The following CHML variants were observed in gnomAD, a reference collection of about 807,000 sequenced individuals.
The protein encoded by CHML is CHM like Rab escort protein, also known as rab proteins geranylgeranyltransferase component A 2.
CHML carries 20 observed loss-of-function variants against 30.4 expected under a neutral mutation model. That is an observed-to-expected ratio of 0.66 (90% CI 0.46 to 0.95). The LOEUF (loss-of-function observed/expected upper bound fraction) is 0.95. CHML is among the 40% of genes least tolerant of loss of function. CHML has a pLI of 0.00. For missense variants in CHML, 795 were observed against 768.5 expected, an observed-to-expected ratio of 1.03 and a Z score of -0.41; for synonymous variants, 281 against 275.0, an observed-to-expected ratio of 1.02 and a Z score of -0.22.
Position 241,634,680 on chromosome 1 carries a change from A to C in CHML, c.1087T>G (p.Phe363Val), listed in dbSNP as rs763830046. ...TIDGLNATKN[F>V]LQCLGRFGNT... Reference sequence around the variant, plus strand: ...CCAAACCGTCCGAGACACTGAAGGAAGTTTTTAGTTGCGTTAAGACCATCT... The same window carrying C: ...CCAAACCGTCCGAGACACTGAAGGACGTTTTTAGTTGCGTTAAGACCATCT... The change falls in exon 2 of 2, where the codon TTC becomes GTC. Residue 363 changes from phenylalanine to valine, a missense_variant. Physicochemically the swap from Phe to Val is conservative, Grantham distance 50. Coordinates refer to ENST00000366553, the MANE Select transcript of CHML (RefSeq NM_001381853.1). 2.8e-5 allele frequency: 45 copies of C among 1,613,912 alleles called. No individual in the cohort carries two copies. The highest frequency in any genetic ancestry group is 3.8e-5 in the Non-Finnish European group (45 of 1,179,910).
At chr1:241,639,272 G>T (rs561386972) in intron 1 of CHML, 1 of 152,342 alleles carries the variant, frequency 6.6e-6, no homozygotes, top group South Asian at 2.1e-4. Flanking sequence ...AGTAAAAACA[G>T]CTTACAGGGC....
chr1:241,636,179 T>C (rs144468398), intron 1 of CHML, 106 bp from the exon 2 acceptor site: 117 of 403,958 alleles, frequency 2.9e-4, no homozygotes, highest in African/African-American at 2.2e-3. Flanking sequence ...TATTTGGACA[T>C]AAACCTCTAC....
chr1:241,630,808 T>C lies in CHML; in HGVS notation c.*2988A>G, dbSNP rs1664602878. ...TGAATGATGAATTTTTGAAAAGTTA[T>C]CTGTAATTAATACTTTGGATTTTAC... On this transcript the variant is annotated 3_prime_UTR_variant, in exon 2 of 2. Transcript: ENST00000366553. 6.6e-6 allele frequency: 1 copy of C among 152,226 alleles called. No individual in the cohort carries two copies. Among genetic ancestry groups the C allele is most frequent in the South Asian group, 2.1e-4 (1 of 4,826 alleles). The allele number at this position is 152,226 out of a possible 1,614,324, so 9.4% of individuals were successfully genotyped here. A position where few individuals can be genotyped will look rare whatever the true frequency, so the allele number is the denominator to read the frequency against.
rs1275192571 is a variant in CHML, at chr1:241,640,336, G to A, written c.-762C>T. The A allele has an allele frequency of 1.9e-6, 2 of 1,069,460 alleles. No individual in the cohort carries two copies. The highest frequency in any genetic ancestry group is 2.3e-6 in the Non-Finnish European group (2 of 887,288). 66.2% of individuals were successfully genotyped at this position (1,069,460 alleles called of 1,614,324 possible). On this transcript the variant is annotated 5_prime_UTR_variant, in exon 1 of 2. Transcript: ENST00000366553. ...GGCGCGCTCCGCACTGGGTGGGGTT[G>A]GGGCTCCGCCGCCTGCTCTAGCCAT...
At position 241,629,632 on chromosome 1, in the gene CHML, T is replaced by TCTAC. The variant is rs1284731004; in HGVS notation, c.*4160_*4163dup. 1.3e-5 allele frequency: 2 copies of TCTAC among 152,128 alleles called. No homozygotes were observed. The highest frequency in any genetic ancestry group is 2.9e-5 in the Non-Finnish European group (2 of 67,946). 9.4% of individuals were successfully genotyped at this position (152,128 alleles called of 1,614,324 possible). ...ATTTAAAACTTTTTCTCTTAGTTGATCTACCTTGCCAATTGCCATGAAGTT... is the reference window on the plus strand; with the variant it reads ...ATTTAAAACTTTTTCTCTTAGTTGATCTACCTACCTTGCCAATTGCCATGAAGTT... On this transcript the variant is annotated 3_prime_UTR_variant, in exon 2 of 2. Coordinates refer to ENST00000366553, the MANE Select transcript of CHML (RefSeq NM_001381853.1).
chr1:241,633,344 CA>C lies in CHML; in HGVS notation c.*451del, dbSNP rs1265591048. On this transcript the variant is annotated 3_prime_UTR_variant, in exon 2 of 2. Transcript: ENST00000366553. ...ATTTATATTATATGCAAAAGATCCA[CA>C]TAATTTACCATTTGTGTATGTTTCA... 1 of 163,706 alleles carries C rather than the reference CA, an allele frequency of 6.1e-6. No homozygotes were observed. Among genetic ancestry groups the C allele is most frequent in the African/African-American group, 2.4e-5 (1 of 41,482 alleles). The allele number at this position is 163,706 out of a possible 1,614,324, so 10.1% of individuals were successfully genotyped here.
In CHML at chr1:241,631,576, C is replaced by G. The variant is rs1664635078; in HGVS notation, c.*2220G>C. 1 of 152,068 alleles carries G rather than the reference C, an allele frequency of 6.6e-6. No individual in the cohort carries two copies. The highest frequency in any genetic ancestry group is 2.1e-4 in the South Asian group (1 of 4,826). 9.4% of individuals were successfully genotyped at this position (152,068 alleles called of 1,614,324 possible). A position where few individuals can be genotyped will look rare whatever the true frequency, so the allele number is the denominator to read the frequency against. On this transcript the variant is annotated 3_prime_UTR_variant, in exon 2 of 2. Transcript: ENST00000366553. ...TAAGTTGTCAATTACTTAAATCTGT[C>G]TAGTCTCATTTTCCTCACATATAGA...
rs145882594 is a variant in CHML at position 241,640,082 on chromosome 1, T to C, written c.-508A>G. 11 of 1,610,308 alleles carry C rather than the reference T, an allele frequency of 6.8e-6. No homozygotes were observed. Among genetic ancestry groups the C allele is most frequent in the Admixed American group, 6.7e-5 (4 of 59,576 alleles). ...GTAGAGGACGAGCACCAGCAGGTTG[T>C]TGCCGACGCCCAGCAGCCCAATGGA... On this transcript the variant is annotated 5_prime_UTR_variant, in exon 1 of 2. Coordinates refer to ENST00000366553, the MANE Select transcript of CHML (RefSeq NM_001381853.1).
In CHML at chr1:241,636,955, TA is replaced by T. The variant is rs11457259; in HGVS notation, c.-307-883del. On this transcript the variant is annotated intron_variant, in intron 1 of 1. Transcript: ENST00000366553. ...TGTTCTTATTTTTGAAGGGGAAGTT[TA>T]AAAAAAAAAAAATAATAAGGTTCTC... 2.7e-3 allele frequency among the ~76,000 whole-genome samples: 396 copies of T among 147,980 alleles called. 4 individuals carry two copies. Among genetic ancestry groups the T allele is most frequent in the Admixed American group, 0.012 (184 of 14,864 alleles).
At chr1:241,638,789 T>C (rs1665000614) in intron 1 of CHML, among the ~76,000 whole-genome samples, 1 of 152,244 alleles carries the variant, frequency 6.6e-6, no homozygotes, top group African/African-American at 2.4e-5. Context: ...ATTACAAATA[T>C]AATATTTGGG....
rs1664598682 is a variant in CHML, at chr1:241,630,736, C to A, written c.*3060G>T. 2.6e-5 allele frequency: 4 copies of A among 151,992 alleles called. No homozygotes were observed. The highest frequency in any genetic ancestry group is 9.7e-5 in the African/African-American group (4 of 41,412). 9.4% of individuals were successfully genotyped at this position (151,992 alleles called of 1,614,324 possible). On this transcript the variant is annotated 3_prime_UTR_variant, in exon 2 of 2. Coordinates refer to ENST00000366553, the MANE Select transcript of CHML (RefSeq NM_001381853.1). ...TCTTGGTTTAAGTACTTAACAGACTCCGAGAAGTCTATTAAATCATTGCCA... is the reference window on the plus strand; with the variant it reads ...TCTTGGTTTAAGTACTTAACAGACTACGAGAAGTCTATTAAATCATTGCCA...
rs1180886128 is a variant in CHML at position 241,640,362 on chromosome 1, T to C, written c.-788A>G. 1 of 1,031,540 alleles carries C rather than the reference T, an allele frequency of 9.7e-7. No homozygotes were observed. Among genetic ancestry groups the C allele is most frequent in the African/African-American group, 1.7e-5 (1 of 58,166 alleles). 63.9% of individuals were successfully genotyped at this position (1,031,540 alleles called of 1,614,324 possible). ...GGGCTCCGCCGCCTGCTCTAGCCAT[T>C]GTGCACTGAGGGGCCCGCGCTACCG... On this transcript the variant is annotated 5_prime_UTR_variant, in exon 1 of 2. Coordinates refer to ENST00000366553, the MANE Select transcript of CHML (RefSeq NM_001381853.1).
chr1:241,633,629 T>A lies in CHML; in HGVS notation c.*167A>T. ...AATCAATAAATCACTCATTGATAGG[T>A]TAACAAAGATATTCAATGCTGAATG... On this transcript the variant is annotated 3_prime_UTR_variant, in exon 2 of 2. Coordinates refer to ENST00000366553, the MANE Select transcript of CHML (RefSeq NM_001381853.1). 1.4e-6 allele frequency: 1 copy of A among 713,936 alleles called. No homozygotes were observed. The highest frequency in any genetic ancestry group is 1.8e-5 in the South Asian group (1 of 54,368). The allele number at this position is 713,936 out of a possible 1,614,324, so 44.2% of individuals were successfully genotyped here.
At chr1:241,639,435 T>A (rs1476226442) in intron 1 of CHML, among the ~76,000 whole-genome samples, 2 of 152,188 alleles carry the variant, frequency 1.3e-5, no homozygotes, top group Non-Finnish European at 1.5e-5. Context: ...AGTACATGAA[T>A]CTAATCTCAT....
At position 241,633,975 on chromosome 1, in the gene CHML, G is replaced by A. The variant is rs1170928921; in HGVS notation, c.1792C>T (p.Gln598Ter). 1.9e-6 allele frequency: 3 copies of A among 1,613,776 alleles called. No homozygotes were observed. Among genetic ancestry groups the A allele is most frequent in the South Asian group, 2.2e-5 (2 of 91,084 alleles). Residue 598 changes from glutamine (Q) to a stop codon, truncating the protein, a stop_gained, in exon 2 of 2, where the codon CAG becomes TAG. Transcript: ENST00000366553. LOFTEE classifies it low-confidence loss of function (END_TRUNC). ...HAVKQAETLF[Q>*]EIFPTEEFCP... ...AATTCTTCAGTTGGAAAGATCTCCT[G>A]GAAAAGTGTTTCAGCTTGCTTGACA...
Position 241,633,172 on chromosome 1 carries a change from C to G in CHML, c.*624G>C, listed in dbSNP as rs1664712923. ...GGTGGCATCATTGCCTCATCAGTTA[C>G]AAGGGTCAAGTGAGTATTATAAACT... On this transcript the variant is annotated 3_prime_UTR_variant, in exon 2 of 2. Coordinates refer to ENST00000366553, the MANE Select transcript of CHML (RefSeq NM_001381853.1). The G allele has an allele frequency of 6.6e-6, 1 of 152,192 alleles. No homozygotes were observed. Among genetic ancestry groups the G allele is most frequent in the Admixed American group, 6.5e-5 (1 of 15,284 alleles). The allele number at this position is 152,192 out of a possible 1,614,324, so 9.4% of individuals were successfully genotyped here.
intron 1 of CHML, 48 bp from the exon 2 acceptor site, chr1:241,636,121 G>T: frequency 2.4e-6 from 1 of 415,400 alleles, no homozygotes; most frequent in South Asian, 9.7e-5. Flanking sequence ...CAATATAAGA[G>T]AAAAATAATT....
In CHML at chr1:241,629,084, G is replaced by A. The variant is rs1231228346; in HGVS notation, c.*4712C>T. On this transcript the variant is annotated 3_prime_UTR_variant, in exon 2 of 2. Coordinates refer to ENST00000366553, the MANE Select transcript of CHML (RefSeq NM_001381853.1). ...TTGACATATATCAATATTATTGAAT[G>A]GCTATATAACATTCTGTGATAGCAC... The A allele has an allele frequency of 6.6e-6, 1 of 152,458 alleles. No individual in the cohort carries two copies. The highest frequency in any genetic ancestry group is 1.5e-5 in the Non-Finnish European group (1 of 67,996). 9.4% of individuals were successfully genotyped at this position (152,458 alleles called of 1,614,324 possible).
intron 1 of CHML, among the ~76,000 whole-genome samples, chr1:241,639,654 G>A (rs1343285536): frequency 1.3e-5 from 2 of 151,170 alleles, no homozygotes; most frequent in Admixed American, 1.3e-4. Flanking sequence ...TGGAGTCCTG[G>A]ACAGCGTGGG....
Sources: gnomAD v4.1 joint callset for allele counts (sites outside exome capture counted in the v4.1 genomes callset) on GRCh38, gnomAD v4.1.1 for gene constraint, MANE v1.5 for transcripts, NCBI Gene and HGNC (gene_info 2026-07-23, HGNC 2026-07-21) for gene names.